The following KCNG2 variants were observed in gnomAD, a reference collection of about 807,000 sequenced individuals.
KCNG2 encodes the protein voltage-gated potassium channel regulatory subunit KCNG2.
In KCNG2, 7 loss-of-function variants were observed where a neutral mutation model predicts 12.3. That is an observed-to-expected ratio of 0.57 (90% confidence interval 0.32 to 1.07). The LOEUF (loss-of-function observed/expected upper bound fraction) is 1.07, where lower values mean the gene tolerates loss of function less well. KCNG2 is among the 50% of genes least tolerant of loss of function. The probability of loss-of-function intolerance (pLI) is 0.04; values close to 1 mark genes in which losing one functional copy is unlikely to be tolerated. For missense variants in KCNG2, 703 were observed against 726.0 expected, an observed-to-expected ratio of 0.97 and a Z score of 0.36; for synonymous variants, 414 against 351.4, an observed-to-expected ratio of 1.18 and a Z score of -1.99.
chr18:79,802,457 G>C (rs534328935), intron 1 of KCNG2, among the ~76,000 whole-genome samples: 73 of 152,262 alleles, frequency 4.8e-4, no homozygotes, highest in African/African-American at 1.7e-3. Flanking sequence ...CCGGTCCGGA[G>C]AGCCTGGCCT....
At chr18:79,867,492 G>C (rs1234353841) in intron 3 of KCNG2, among the ~76,000 whole-genome samples, 17 of 37,328 alleles carry the variant, frequency 4.6e-4, no homozygotes, top group Non-Finnish European at 1.1e-3. Context: ...GTCGTGTCTG[G>C]GGGGGGGATC....
chr18:79,863,571 G>A (rs1432246132), intron 2 of KCNG2, 57 bp from the exon 3 acceptor site: 6 of 1,128,042 alleles, frequency 5.3e-6, no homozygotes, highest in Non-Finnish European at 6.5e-6. Flanking sequence ...CCCCGCGGGC[G>A]GACGCGCTCC....
chr18:79,882,436 C>A (rs1034843809), intron 3 of KCNG2, among the ~76,000 whole-genome samples: 3 of 152,212 alleles, frequency 2.0e-5, no homozygotes, highest in Non-Finnish European at 4.4e-5. Flanking sequence ...TTGTAAATCA[C>A]ATATCTAACA....
intron 1 of KCNG2, among the ~76,000 whole-genome samples, chr18:79,825,968 C>G (rs1978285354): frequency 6.6e-6 from 1 of 152,242 alleles, no homozygotes; most frequent in African/African-American, 2.4e-5. Flanking sequence ...GGGACCTGCC[C>G]TTTCTTTGAA....
intron 3 of KCNG2, among the ~76,000 whole-genome samples, chr18:79,866,456 GTGGGTGCTGAGGTC>G (rs1182264290): frequency 3.9e-5 from 4 of 102,802 alleles, no homozygotes; most frequent in African/African-American, 1.5e-4. Context: ...TGCTGAGAGT[GTGGGTGCTGAGGTC>G]TGGGTGCTGA....
intron 1 of KCNG2, among the ~76,000 whole-genome samples, chr18:79,814,212 A>C (rs1308501051): frequency 6.6e-6 from 1 of 152,168 alleles, no homozygotes; most frequent in Admixed American, 6.5e-5. Flanking sequence ...AAAACTAAAC[A>C]TGTCACTCCC....
intron 1 of KCNG2, among the ~76,000 whole-genome samples, chr18:79,815,441 CAAAAA>C (rs760919178): frequency 2.5e-5 from 2 of 78,808 alleles, no homozygotes; most frequent in African/African-American, 8.0e-5. Context: ...AACCCTGCCT[CAAAAA>C]AAAAAAAAAA....
At chr18:79,865,340 T>TGA (rs1384526711) in intron 3 of KCNG2, among the ~76,000 whole-genome samples, 5 of 111,450 alleles carry the variant, frequency 4.5e-5, no homozygotes, top group African/African-American at 1.7e-4. Context: ...GTCTGGGTGC[T>TGA]GAGGTCTGGG....
chr18:79,807,807 T>C (rs61020511), intron 1 of KCNG2, among the ~76,000 whole-genome samples: 27,530 of 103,776 alleles, frequency 0.27, 1,616 homozygotes, highest in South Asian at 0.35. Context: ...CTCCACGTTA[T>C]GGGCCCAGAG....
intron 1 of KCNG2, among the ~76,000 whole-genome samples, chr18:79,825,502 T>C (rs2087606771): frequency 6.6e-6 from 1 of 152,168 alleles, no homozygotes; most frequent in African/African-American, 2.4e-5. Context: ...ACGAAATGCC[T>C]CTTCATAAAA....
chr18:79,862,797 C>T (rs963407412), intron 2 of KCNG2, among the ~76,000 whole-genome samples: 5 of 152,212 alleles, frequency 3.3e-5, no homozygotes, highest in African/African-American at 1.2e-4. Flanking sequence ...TTTGCACAGA[C>T]GGAGTTCCAA....
chr18:79,885,043 C>G (rs1336657248), intron 3 of KCNG2, among the ~76,000 whole-genome samples: 1 of 152,168 alleles, frequency 6.6e-6, no homozygotes, highest in Non-Finnish European at 1.5e-5. Flanking sequence ...GTCCCCATCC[C>G]TTGAACCTGA....
intron 3 of KCNG2, among the ~76,000 whole-genome samples, chr18:79,864,563 G>C (rs114421346): frequency 6.6e-6 from 1 of 152,214 alleles, no homozygotes; most frequent in Non-Finnish European, 1.5e-5. Context: ...CGCAGCATCC[G>C]GTCCACAGGC....
chr18:79,875,681 C>T (rs1980041886), intron 3 of KCNG2, among the ~76,000 whole-genome samples: 3 of 152,328 alleles, frequency 2.0e-5, no homozygotes, highest in South Asian at 4.1e-4. Context: ...GGTCCTGAGT[C>T]GGGGAGGTGC....
In KCNG2 at chr18:79,882,749, G is replaced by GCTGCCGTGGAGCGCGGAGGCCGGGTACAC. The variant is rs1421504014; in HGVS notation, c.625-16286_625-16258dup. 4.3e-4 allele frequency among the ~76,000 whole-genome samples: 61 copies of GCTGCCGTGGAGCGCGGAGGCCGGGTACAC among 140,998 alleles called. 1 individual carries two copies. Among genetic ancestry groups the GCTGCCGTGGAGCGCGGAGGCCGGGTACAC allele is most frequent in the African/African-American group, 1.5e-3 (59 of 40,432 alleles). 92.5% of individuals were successfully genotyped at this position (140,998 alleles called of 152,430 possible). ...GGCGAGGCTGCCATGGAGTGGCGAG[G>GCTGCCGTGGAGCGCGGAGGCCGGGTACAC]CTGCCGTGGAGCGCGGAGGCCGGGT... On this transcript the variant is annotated intron_variant, in intron 3 of 3. Transcript: ENST00000316249.
intron 1 of KCNG2, among the ~76,000 whole-genome samples, chr18:79,817,453 TCA>T (rs1318050582): frequency 1.3e-5 from 2 of 152,214 alleles, no homozygotes; most frequent in African/African-American, 4.8e-5. Context: ...CACATGGTTG[TCA>T]CACCCGTTAC....
In KCNG2 at chr18:79,865,587, TG is replaced by T. The variant is rs1241327718; in HGVS notation, c.624+1299del. Among the ~76,000 whole-genome samples the T allele has an allele frequency of 6.3e-5, 8 of 126,910 alleles. 1 individual carries two copies. The highest frequency in any genetic ancestry group is 5.0e-4 in the Admixed American group (6 of 12,068). The allele number at this position is 126,910 out of a possible 152,430, so 83.3% of individuals were successfully genotyped here. On this transcript the variant is annotated intron_variant, in intron 3 of 3. Coordinates refer to ENST00000316249, the MANE Select transcript of KCNG2 (RefSeq NM_012283.2). ...TGCTGAGAGGTCTGGGTATGAGGTCTGGGTGCTGAAAGTTCTGTGTTCTGAG... is the reference window on the plus strand; with the variant it reads ...TGCTGAGAGGTCTGGGTATGAGGTCTGGTGCTGAAAGTTCTGTGTTCTGAG...
At chr18:79,865,474 AT>A (rs1979454558) in intron 3 of KCNG2, among the ~76,000 whole-genome samples, 1 of 73,092 alleles carries the variant, frequency 1.4e-5, no homozygotes, top group African/African-American at 5.9e-5. Context: ...AGGTCTGGGT[AT>A]GAGGTCTGGG....
intron 1 of KCNG2, among the ~76,000 whole-genome samples, chr18:79,824,276 G>A (rs113312039): frequency 1.1e-4 from 16 of 152,376 alleles, no homozygotes; most frequent in African/African-American, 3.6e-4. Context: ...GGGATTACAG[G>A]CGTGAGCCTC....
Sources: gnomAD v4.1 joint callset for allele counts (sites outside exome capture counted in the v4.1 genomes callset) on GRCh38, gnomAD v4.1.1 for gene constraint, MANE v1.5 for transcripts, NCBI Gene and HGNC (gene_info 2026-07-23, HGNC 2026-07-21) for gene names.